NEDD4: variants seen among roughly 807,000 people sequenced by gnomAD.
NEDD4 encodes NEDD4 E3 ubiquitin protein ligase, also known as E3 ubiquitin-protein ligase NEDD4.
A neutral mutation model predicts 144.9 loss-of-function variants in NEDD4; 99 were observed. The ratio of observed to expected loss-of-function variants is 0.68; its 90% CI spans 0.58 to 0.81. The LOEUF is 0.81. Among genes scored for constraint, NEDD4 ranks in the 30% least tolerant of loss-of-function variants. NEDD4 has a pLI of 0.00. For synonymous variants in NEDD4, 318 were observed against 350.6 expected, an observed-to-expected ratio of 0.91 and a Z score of 1.04; for missense variants, 985 against 1,065.9, an observed-to-expected ratio of 0.92 and a Z score of 1.06.
intron 4 of NEDD4, among the ~76,000 whole-genome samples, chr15:55,949,074 C>A (rs1435124248): frequency 5.9e-5 from 9 of 152,230 alleles, no homozygotes; most frequent in East Asian, 1.9e-4. Context: ...GGGCTAATAT[C>A]CAGAATCTAC....
At chr15:55,859,579 C>G (rs899459361) in intron 11 of NEDD4, among the ~76,000 whole-genome samples, 2 of 152,140 alleles carry the variant, frequency 1.3e-5, no homozygotes, top group African/African-American at 4.8e-5. Flanking sequence ...CGCCTGTAAT[C>G]TCAGCTATTC....
chr15:55,978,164 C>A (rs9920283), intron 1 of NEDD4, among the ~76,000 whole-genome samples: 100,054 of 151,902 alleles, frequency 0.66, 33,039 homozygotes, highest in East Asian at 0.75. Flanking sequence ...CCCCAGCCTC[C>A]TGGGGAAAAT....
intron 11 of NEDD4, among the ~76,000 whole-genome samples, chr15:55,859,828 C>T (rs1043094535): frequency 3.3e-5 from 5 of 152,158 alleles, no homozygotes; most frequent in Admixed American, 6.5e-5. Flanking sequence ...ACTCTGTAAT[C>T]GTGGCTGAAT....
In NEDD4 at chr15:55,827,331, A is replaced by C. The variant is rs528657941; in HGVS notation, c.*2566T>G. On this transcript the variant is annotated 3_prime_UTR_variant, in exon 29 of 29. Transcript: ENST00000435532. The stretch of plus-strand genomic sequence containing the variant: ...TAGAATGCATTTGAGACACTTTTCT[A>C]TCTGGGATAAGGGGCTGTGTTGCTT... 86 of 152,300 alleles carry C rather than the reference A, an allele frequency of 5.6e-4. No individual in the cohort carries two copies. The highest frequency in any genetic ancestry group is 2.0e-3 in the African/African-American group (83 of 41,556). The allele number at this position is 152,300 out of a possible 1,614,324, so 9.4% of individuals were successfully genotyped here.
Position 55,840,493 on chromosome 15 carries a change from T to C in NEDD4, c.1985A>G (p.Lys662Arg), listed in dbSNP as rs749000205. 5 of 1,613,984 alleles carry C rather than the reference T, an allele frequency of 3.1e-6. No individual in the cohort carries two copies. The highest frequency in any genetic ancestry group is 4.2e-6 in the Non-Finnish European group (5 of 1,179,960). ...LDGFFIRPFY[K>R]MMLHKPITLH... Reference sequence around the variant, plus strand: ...GGTTATTGGTTTGTGAAGCATCATCTTGTAAAATGGGCGGATGAAAAAACC... The same window carrying C: ...GGTTATTGGTTTGTGAAGCATCATCCTGTAAAATGGGCGGATGAAAAAACC... Residue 662 changes from lysine to arginine, a missense_variant, in exon 21 of 29, where the codon AAG becomes AGG. Physicochemically the swap from Lys to Arg is conservative, Grantham distance 26. Transcript: ENST00000435532.
At chr15:55,916,227 A>G in intron 5 of NEDD4, 1 of 1,614,034 alleles carries the variant, frequency 6.2e-7, no homozygotes, top group Non-Finnish European at 8.5e-7. Context: ...GTTTCCACCC[A>G]AAAAAGTATC....
intron 5 of NEDD4, among the ~76,000 whole-genome samples, chr15:55,878,675 T>C (rs2035077986): frequency 6.6e-6 from 1 of 152,216 alleles, no homozygotes; most frequent in Non-Finnish European, 1.5e-5. Flanking sequence ...CAGAATTTCA[T>C]TCATAATAGC....
Position 55,983,409 on chromosome 15 carries a change from T to G in NEDD4, c.45+10102A>C, listed in dbSNP as rs187308551. 1.8e-4 allele frequency among the ~76,000 whole-genome samples: 27 copies of G among 152,294 alleles called. No homozygotes were observed. The East Asian group carries it at 2.5e-3, about 14-fold the overall frequency. Reference sequence around the variant, plus strand: ...GATCAGGCTATCCTCTCCAGCCTCATCTGCTGACGTTGTGCCTCTTGTTTT... The same window carrying G: ...GATCAGGCTATCCTCTCCAGCCTCAGCTGCTGACGTTGTGCCTCTTGTTTT... On this transcript the variant is annotated intron_variant, in intron 1 of 28. Coordinates refer to ENST00000435532, the MANE Select transcript of NEDD4 (RefSeq NM_006154.4).
intron 14 of NEDD4, 95 bp downstream of exon 14, chr15:55,850,447 A>G: frequency 1.8e-6 from 2 of 1,100,872 alleles, no homozygotes; most frequent in Non-Finnish European, 2.7e-6. Flanking sequence ...TAGGAAACAT[A>G]GGTTATACTA....
intron 4 of NEDD4, among the ~76,000 whole-genome samples, chr15:55,926,128 C>A (rs1408523664): frequency 6.6e-6 from 1 of 151,624 alleles, no homozygotes; most frequent in Non-Finnish European, 1.5e-5. Context: ...ATGTATCAAA[C>A]CCAGATAAAG....
chr15:55,852,291 A>T, intron 13 of NEDD4, 133 bp downstream of exon 13: 6 of 1,016,058 alleles, frequency 5.9e-6, no homozygotes, highest in Non-Finnish European at 8.1e-6. Context: ...CTGAGACTCC[A>T]TCTCAAAAAA....
Position 55,846,971 on chromosome 15 carries a change from G to C in NEDD4, c.1606C>G (p.Gln536Glu), listed in dbSNP as rs2141998705. The change falls in exon 18 of 29, where the codon CAG becomes GAG. Residue 536 changes from glutamine (Q) to glutamate (E), a missense_variant and splice_region_variant. Physicochemically the swap from Gln to Glu is conservative, Grantham distance 29. Transcript: ENST00000435532. Reference sequence around the variant, plus strand: ...TATTTATTATAAACATGACTAACCTGCTTCTTCAACTTTCTTCGGAAGAAC... The same window carrying C: ...TATTTATTATAAACATGACTAACCTCCTTCTTCAACTTTCTTCGGAAGAAC... ...YEFFRRKLKK[Q>E]NDIPNKFEMK... 6.3e-7 allele frequency: 1 copy of C among 1,591,042 alleles called. No individual in the cohort carries two copies. The highest frequency in any genetic ancestry group is 1.1e-5 in the South Asian group (1 of 89,998).
chr15:55,969,973 C>A (rs1050978505), intron 1 of NEDD4, among the ~76,000 whole-genome samples: 1 of 152,128 alleles, frequency 6.6e-6, no homozygotes, highest in African/African-American at 2.4e-5. Context: ...GTCACTGATT[C>A]CTGGCCTTAG....
chr15:55,903,886 C>T (rs1448116115), intron 5 of NEDD4, among the ~76,000 whole-genome samples: 7 of 142,596 alleles, frequency 4.9e-5, no homozygotes, highest in South Asian at 2.3e-4. Context: ...TGGCTGGGCA[C>T]GGTGGCTCAT....
intron 17 of NEDD4, among the ~76,000 whole-genome samples, chr15:55,847,779 T>A (rs1457205779): frequency 1.3e-5 from 2 of 150,822 alleles, no homozygotes; most frequent in East Asian, 3.9e-4. Flanking sequence ...TGGGTTCAAG[T>A]GATTCTCCTG....
Position 55,841,909 on chromosome 15 carries a change from C to A in NEDD4, c.1838+25G>T, listed in dbSNP as rs372824709. The A allele has an allele frequency of 5.7e-6, 9 of 1,571,898 alleles. No homozygotes were observed. The African/African-American group carries it at 9.5e-5, about 17-fold the overall frequency. On this transcript the variant is annotated intron_variant, in intron 19 of 28. Coordinates refer to ENST00000435532, the MANE Select transcript of NEDD4 (RefSeq NM_006154.4). ...AAAACAGTGATTTTTCTTTTTCTGC[C>A]GATAATCATTGTAAAGGTACTTACG...
At chr15:55,986,639 G>A (rs1164442265) in intron 1 of NEDD4, among the ~76,000 whole-genome samples, 1 of 145,602 alleles carries the variant, frequency 6.9e-6, no homozygotes, top group African/African-American at 2.6e-5. Context: ...GCCGAGGCTG[G>A]AGTGCAGTGG....
At chr15:55,855,268 A>G (rs1032106954) in intron 12 of NEDD4, among the ~76,000 whole-genome samples, 5 of 152,194 alleles carry the variant, frequency 3.3e-5, no homozygotes, top group African/African-American at 1.2e-4. Flanking sequence ...TTCAAAGCTG[A>G]TATCTAGACT....
rs376603419 is a variant in NEDD4 at position 55,838,483 on chromosome 15, A to G, written c.2127+26T>C. On this transcript the variant is annotated intron_variant, in intron 22 of 28. Transcript: ENST00000435532. ...ACATTTGTCTCACAATTTATGTGCC[A>G]TTTTAACTGATCAAAATTCACAAAC... 1.7e-5 allele frequency: 25 copies of G among 1,504,428 alleles called. 1 individual carries two copies. The South Asian group carries it at 2.6e-4, about 16-fold the overall frequency. 93.2% of individuals were successfully genotyped at this position (1,504,428 alleles called of 1,614,324 possible). A position where few individuals can be genotyped will look rare whatever the true frequency, so the allele number is the denominator to read the frequency against.
Sources: allele counts gnomAD v4.1 joint callset (sites outside exome capture counted in the v4.1 genomes callset), GRCh38; gene constraint gnomAD v4.1.1; transcripts MANE v1.5; gene names NCBI Gene and HGNC (gene_info 2026-07-23, HGNC 2026-07-21).